Variants in EPHB1 observed in about 807,000 individuals in gnomAD.
The protein encoded by EPHB1 is EPH receptor B1.
EPHB1 carries 30 observed loss-of-function variants against 94.4 expected under a neutral mutation model. The ratio of observed to expected loss-of-function variants is 0.32; its 90% CI spans 0.24 to 0.43. EPHB1 has a LOEUF of 0.43. Among genes scored for constraint, EPHB1 ranks in the 20% least tolerant of loss-of-function variants. The probability of loss-of-function intolerance (pLI) is 1.00; values close to 1 mark genes in which losing one functional copy is unlikely to be tolerated. For missense variants in EPHB1, 1,055 were observed against 1,308.3 expected (o/e 0.81, Z 2.99); for synonymous variants, 522 against 489.1 (o/e 1.07, Z -0.89).
intron 9 of EPHB1, among the ~76,000 whole-genome samples, chr3:135,171,726 C>A (rs1000295763): frequency 6.6e-6 from 1 of 152,130 alleles, no homozygotes; most frequent in African/African-American, 2.4e-5. Flanking sequence ...GACAAAAATC[C>A]AAGCAATGTT....
chr3:135,091,065 C>T (rs544776931), intron 3 of EPHB1, among the ~76,000 whole-genome samples: 50 of 152,344 alleles, frequency 3.3e-4, no homozygotes, highest in African/African-American at 1.2e-3. Flanking sequence ...TCTTGAGATG[C>T]AGCACCTCTT....
intron 3 of EPHB1, among the ~76,000 whole-genome samples, chr3:135,092,070 G>A (rs1938576157): frequency 6.6e-6 from 1 of 152,196 alleles, no homozygotes; most frequent in African/African-American, 2.4e-5. Context: ...AAACACTTCG[G>A]TTTGAAAACG....
Position 135,147,121 on chromosome 3 carries a change from G to A in EPHB1, c.1298-7031G>A, listed in dbSNP as rs143383366. On this transcript the variant is annotated intron_variant, in intron 5 of 15. Transcript: ENST00000398015. Reference sequence around the variant, plus strand: ...ACACATCTCTCTGCAGCACCTGGAGGGCCCTGACAACAGCCCTTCTTTATT... The same window carrying A: ...ACACATCTCTCTGCAGCACCTGGAGAGCCCTGACAACAGCCCTTCTTTATT... Among the ~76,000 whole-genome samples the A allele has an allele frequency of 4.9e-3, 750 of 152,264 alleles. 8 individuals are homozygous for A. Among genetic ancestry groups the A allele is most frequent in the African/African-American group, 0.017 (697 of 41,556 alleles).
intron 1 of EPHB1, among the ~76,000 whole-genome samples, chr3:134,839,104 C>T (rs547963698): frequency 1.4e-3 from 220 of 152,250 alleles, no homozygotes; most frequent in African/African-American, 5.1e-3. Flanking sequence ...TCTCAATATA[C>T]GACACAAAAT....
chr3:134,950,547 G>T (rs1344709625), intron 2 of EPHB1, among the ~76,000 whole-genome samples: 4 of 152,204 alleles, frequency 2.6e-5, no homozygotes, highest in African/African-American at 9.7e-5. Flanking sequence ...TCTGCTGAGG[G>T]CCTCAGGAAG....
At chr3:135,084,191 A>G (rs569744968) in intron 3 of EPHB1, among the ~76,000 whole-genome samples, 1 of 152,306 alleles carries the variant, frequency 6.6e-6, no homozygotes, top group South Asian at 2.1e-4. Flanking sequence ...CAAAATATTT[A>G]TCTTCATTAT....
chr3:135,204,881 C>CTTTTT (rs71624063), intron 12 of EPHB1, among the ~76,000 whole-genome samples: 1 of 73,916 alleles, frequency 1.4e-5, no homozygotes, highest in Non-Finnish European at 2.3e-5. Flanking sequence ...AGGTTTTATT[C>CTTTTT]TTTTTTTTTT....
rs370730579 is a variant in EPHB1 at position 135,132,855 on chromosome 3, G to A, written c.1103G>A (p.Arg368Gln). ...TGCAAAAAGTGCCGGGCAGACCGCCGGAGCTGCTCCCGCTGTGACGACAAT... is the reference window on the plus strand; with the variant it reads ...TGCAAAAAGTGCCGGGCAGACCGCCAGAGCTGCTCCCGCTGTGACGACAAT... ...IICKKCRADR[R>Q]SCSRCDDNVE... Residue 368 changes from arginine to glutamine, a missense_variant, in exon 5 of 16, where the codon CGG becomes CAG. By Grantham distance (43) the Arg-to-Gln change is conservative. Transcript: ENST00000398015. 7.1e-5 allele frequency: 114 copies of A among 1,614,034 alleles called. No homozygotes were observed. The African/African-American group carries it at 1.0e-3, about 14-fold the overall frequency.
In EPHB1 at chr3:134,883,978, C is replaced by T. The variant is rs181533455; in HGVS notation, c.59-41838C>T. ...CCCCAGTTTAGGAGGTGAAGAAATG[C>T]AGCCACCATGAATTTAAATGACATA... On this transcript the variant is annotated intron_variant, in intron 1 of 15. Coordinates refer to ENST00000398015, the MANE Select transcript of EPHB1 (RefSeq NM_004441.5). Among the ~76,000 whole-genome samples, 4 of 152,292 alleles carry T rather than the reference C, an allele frequency of 2.6e-5. No individual in the cohort carries two copies. In the East Asian group the frequency reaches 7.7e-4, roughly 29 times the overall value.
rs532109139 is a variant in EPHB1, at chr3:135,122,475, T to C, written c.962-10239T>C. Among the ~76,000 whole-genome samples, 8 of 152,312 alleles carry C rather than the reference T, an allele frequency of 5.3e-5. 1 individual carries two copies. Among genetic ancestry groups the C allele is most frequent in the Admixed American group, 4.6e-4 (7 of 15,308 alleles). ...GGCAGCATATTGTACCTTTCCACTC[T>C]TTGGCCCCACCTTGAGCCACAGCTA... On this transcript the variant is annotated intron_variant, in intron 4 of 15. Transcript: ENST00000398015.
intron 1 of EPHB1, among the ~76,000 whole-genome samples, chr3:134,909,535 T>C (rs566416720): frequency 1.3e-5 from 2 of 152,318 alleles, no homozygotes; most frequent in Admixed American, 6.5e-5. Context: ...TGCATTTGGA[T>C]AGCAGGCAGT....
chr3:135,131,195 C>T (rs1159797023), intron 4 of EPHB1, among the ~76,000 whole-genome samples: 1 of 152,234 alleles, frequency 6.6e-6, no homozygotes, highest in Non-Finnish European at 1.5e-5. Context: ...CACATGCGTG[C>T]ATGAACGCTG....
chr3:134,797,000 C>A (rs957065858), intron 1 of EPHB1, among the ~76,000 whole-genome samples: 3 of 152,262 alleles, frequency 2.0e-5, no homozygotes, highest in Non-Finnish European at 4.4e-5. Flanking sequence ...GGAAGTGAAG[C>A]TGGAGGGGCA....
Position 135,133,149 on chromosome 3 carries a change from T to G in EPHB1, c.1297+100T>G, listed in dbSNP as rs1940484974. 5.8e-6 allele frequency: 7 copies of G among 1,201,820 alleles called. No individual in the cohort carries two copies. The African/African-American group carries it at 6.1e-5, about 11-fold the overall frequency. 74.4% of individuals were successfully genotyped at this position (1,201,820 alleles called of 1,614,324 possible). A position where few individuals can be genotyped will look rare whatever the true frequency, so the allele number is the denominator to read the frequency against. On this transcript the variant is annotated intron_variant, in intron 5 of 15. Transcript: ENST00000398015. ...AGCCACACCCATCCTGCCCGTGTACTGTCAGGCCTCTGCCCAGGAGTGAAG... is the reference window on the plus strand; with the variant it reads ...AGCCACACCCATCCTGCCCGTGTACGGTCAGGCCTCTGCCCAGGAGTGAAG...
At chr3:135,034,652 G>A (rs1023814072) in intron 3 of EPHB1, among the ~76,000 whole-genome samples, 3 of 152,240 alleles carry the variant, frequency 2.0e-5, no homozygotes, top group Non-Finnish European at 1.5e-5. Context: ...CAGCCGCAGG[G>A]ACTCTGGACA....
chr3:134,921,597 A>T (rs1271822417), intron 1 of EPHB1, among the ~76,000 whole-genome samples: 1 of 152,222 alleles, frequency 6.6e-6, no homozygotes, highest in Admixed American at 6.5e-5. Context: ...TGGTCTTTAC[A>T]ACAATGCAAA....
chr3:135,233,314 G>C (rs1447713063), intron 12 of EPHB1, among the ~76,000 whole-genome samples: 1 of 152,184 alleles, frequency 6.6e-6, no homozygotes, highest in East Asian at 1.9e-4. Flanking sequence ...CAAACAAAGG[G>C]GCTACAGGCC....
intron 11 of EPHB1, among the ~76,000 whole-genome samples, chr3:135,198,011 G>T (rs993313615): frequency 1.3e-5 from 2 of 152,174 alleles, no homozygotes; most frequent in South Asian, 2.1e-4. Context: ...TTGATATGTG[G>T]TTCTCTTGAA....
intron 3 of EPHB1, among the ~76,000 whole-genome samples, chr3:134,972,782 T>A (rs879279083): frequency 1.3e-5 from 2 of 152,112 alleles, no homozygotes; most frequent in Non-Finnish European, 2.9e-5. Flanking sequence ...TTTGAAGTTG[T>A]GGATGGACTT....
Sources: gnomAD v4.1 joint callset for allele counts (sites outside exome capture counted in the v4.1 genomes callset) on GRCh38, gnomAD v4.1.1 for gene constraint, MANE v1.5 for transcripts, NCBI Gene and HGNC (gene_info 2026-07-23, HGNC 2026-07-21) for gene names.